The following LEPROTL1 variants were observed in gnomAD, a reference collection of about 807,000 sequenced individuals.
The protein encoded by LEPROTL1 is leptin receptor overlapping transcript-like 1.
Under a neutral mutation model 15.4 loss-of-function variants are expected in LEPROTL1, and 6 were observed. That is an observed-to-expected ratio of 0.39 (90% CI 0.21 to 0.77). LEPROTL1 has a LOEUF of 0.77. Ranked by LOEUF, LEPROTL1 falls within the 30% of genes least tolerant of loss-of-function variation. The probability of loss-of-function intolerance (pLI) is 0.41; values close to 1 mark genes in which losing one functional copy is unlikely to be tolerated. For synonymous variants in LEPROTL1, 56 were observed against 52.6 expected (o/e 1.06, Z -0.28); for missense variants, 128 against 158.1 (o/e 0.81, Z 1.02).
chr8:30,132,139 G>C (rs1227390834), intron 3 of LEPROTL1: 2 of 1,551,636 alleles, frequency 1.3e-6, no homozygotes, highest in African/African-American at 2.7e-5. Context: ...CATCGGCCAG[G>C]ATCTGATAAA....
intron 3 of LEPROTL1, among the ~76,000 whole-genome samples, chr8:30,114,702 C>T (rs1034307786): frequency 3.3e-5 from 5 of 152,168 alleles, no homozygotes; most frequent in Non-Finnish European, 5.9e-5. Flanking sequence ...GCTTCAGCAG[C>T]GAACGACTCC....
chr8:30,129,534 G>A (rs1025717832), intron 3 of LEPROTL1, among the ~76,000 whole-genome samples: 3 of 151,952 alleles, frequency 2.0e-5, no homozygotes, highest in East Asian at 1.9e-4. Flanking sequence ...GTGAAACCCC[G>A]TCTCTGCTAA....
chr8:30,112,892 CTT>C (rs1802676005), downstream of LEPROTL1, among the ~76,000 whole-genome samples: 2 of 151,976 alleles, frequency 1.3e-5, no homozygotes, highest in Admixed American at 1.3e-4. Context: ...AGAGGGCAAA[CTT>C]TTTAAAAACA....
downstream of LEPROTL1, among the ~76,000 whole-genome samples, chr8:30,109,348 G>A (rs1444836471): frequency 6.6e-6 from 1 of 152,112 alleles, no homozygotes; most frequent in Non-Finnish European, 1.5e-5. Context: ...TTACAGGTCT[G>A]TTCATTTTAT....
Position 30,107,025 on chromosome 8 carries a change from T to C in LEPROTL1, c.*1163T>C. ...ACAGATAATTCATGCATTAACAGTT[T>C]AAGATTTAGACCATGGTAATAGTAG... On this transcript the variant is annotated 3_prime_UTR_variant, in exon 4 of 4. Transcript: ENST00000321250. 1.0e-6 allele frequency: 1 copy of C among 980,098 alleles called. No individual in the cohort carries two copies. The allele number at this position is 980,098 out of a possible 1,614,324, so 60.7% of individuals were successfully genotyped here. A position where few individuals can be genotyped will look rare whatever the true frequency, so the allele number is the denominator to read the frequency against.
intron 2 of LEPROTL1, among the ~76,000 whole-genome samples, chr8:30,102,218 C>G (rs1455316863): frequency 6.6e-6 from 1 of 152,060 alleles, no homozygotes; most frequent in Non-Finnish European, 1.5e-5. Context: ...GGCAAGATAG[C>G]TACACAGTAC....
intron 4 of LEPROTL1, chr8:30,132,702 G>A (rs1301676460): frequency 6.4e-7 from 1 of 1,551,628 alleles, no homozygotes; most frequent in Non-Finnish European, 8.7e-7. Context: ...GAAATCGCTG[G>A]AAGGAGCACA....
chr8:30,132,732 A>G, intron 4 of LEPROTL1: 1 of 1,551,708 alleles, frequency 6.4e-7, no homozygotes, highest in Non-Finnish European at 8.7e-7. Flanking sequence ...CCAGGAGAGC[A>G]GGGAAAAAGA....
At chr8:30,130,697 G>A (rs1373030582) in intron 3 of LEPROTL1, among the ~76,000 whole-genome samples, 2 of 151,546 alleles carry the variant, frequency 1.3e-5, no homozygotes, top group Non-Finnish European at 2.9e-5. Flanking sequence ...TTATCATGTG[G>A]GTTTTTACTT....
intron 4 of LEPROTL1, chr8:30,132,531 G>A: frequency 6.4e-7 from 1 of 1,551,726 alleles, no homozygotes; most frequent in Non-Finnish European, 8.7e-7. Context: ...CGACATAGAT[G>A]CACTCGAATT....
Position 30,107,511 on chromosome 8 carries a change from G to T in LEPROTL1, c.*1649G>T. The stretch of plus-strand genomic sequence containing the variant: ...TGGGAATAAATTTGGGATTTGTTCA[G>T]CTTTTTTACTAAAGATGCCTAAAGC... On this transcript the variant is annotated 3_prime_UTR_variant, in exon 4 of 4. Transcript: ENST00000321250. The T allele has an allele frequency of 1.0e-5, 10 of 985,798 alleles. No homozygotes were observed. The highest frequency in any genetic ancestry group is 1.2e-5 in the Non-Finnish European group (10 of 829,896). 61.1% of individuals were successfully genotyped at this position (985,798 alleles called of 1,614,324 possible).
chr8:30,096,023 T>G (rs1802358499), intron 1 of LEPROTL1: 2 of 601,922 alleles, frequency 3.3e-6, no homozygotes, highest in Non-Finnish European at 6.0e-6. Context: ...CGACCCCACG[T>G]CCACCCCGGC....
chr8:30,097,319 A>G (rs1032299324), intron 1 of LEPROTL1, among the ~76,000 whole-genome samples: 4 of 94,368 alleles, frequency 4.2e-5, no homozygotes, highest in African/African-American at 1.2e-4. Context: ...TGGCTACCTT[A>G]TTCGGTATGA....
intron 3 of LEPROTL1, among the ~76,000 whole-genome samples, chr8:30,120,067 AAAT>A (rs1802805790): frequency 4.7e-5 from 1 of 21,240 alleles, no homozygotes; most frequent in Non-Finnish European, 2.1e-4. Context: ...CTCCATCAAT[AAAT>A]AAATAAATAA....
At chr8:30,112,401 ATTTTTTTTTTTTTTTTTTTT>A (rs10684450), downstream of LEPROTL1, among the ~76,000 whole-genome samples, 1 of 27,864 alleles carries the variant, frequency 3.6e-5, no homozygotes, top group African/African-American at 1.1e-4. Context: ...TGCCCAGCTA[ATTTTTTTTTTTTTTTTTTTT>A]TTTTTTTTTT....
At chr8:30,131,753 C>T in intron 3 of LEPROTL1, 1 of 599,124 alleles carries the variant, frequency 1.7e-6, no homozygotes, top group Non-Finnish European at 2.8e-6. Context: ...CTTTTTGTAT[C>T]CTCAGTACCA....
At position 30,106,407 on chromosome 8, in the gene LEPROTL1, G is replaced by T. The variant is rs1181502067; in HGVS notation, c.*545G>T. Reference sequence around the variant, plus strand: ...CTGTATACTCAGTGCAAATATAGCTGCATTTATACCTCAGAGGGGCCAAGT... The same window carrying T: ...CTGTATACTCAGTGCAAATATAGCTTCATTTATACCTCAGAGGGGCCAAGT... On this transcript the variant is annotated 3_prime_UTR_variant, in exon 4 of 4. Coordinates refer to ENST00000321250, the MANE Select transcript of LEPROTL1 (RefSeq NM_015344.3). 7 of 985,688 alleles carry T rather than the reference G, an allele frequency of 7.1e-6. No homozygotes were observed. The highest frequency in any genetic ancestry group is 3.5e-5 in the African/African-American group (2 of 57,212). 61.1% of individuals were successfully genotyped at this position (985,688 alleles called of 1,614,324 possible).
At chr8:30,110,060 T>G (rs545402009), downstream of LEPROTL1, among the ~76,000 whole-genome samples, 1 of 152,276 alleles carries the variant, frequency 6.6e-6, no homozygotes, top group East Asian at 1.9e-4. Flanking sequence ...CACTTCACCC[T>G]TTGTGTTTAG....
chr8:30,105,781 A>G lies in LEPROTL1; in HGVS notation c.315A>G (p.Gly105=). The stretch of plus-strand genomic sequence containing the variant: ...GAGCTTGTGCACTTGTTCTCACAGG[A>G]AACACAGTCATCTTTGCAACTATAC... ...EWGACALVLT[G]NTVIFATILG... Residue 105 remains glycine, a synonymous_variant, in exon 4 of 4, where the codon GGA becomes GGG. Transcript: ENST00000321250. The G allele has an allele frequency of 1.3e-6, 2 of 1,590,064 alleles. No individual in the cohort carries two copies. Among genetic ancestry groups the G allele is most frequent in the Non-Finnish European group, 8.6e-7 (1 of 1,167,090 alleles).
Sources: allele counts gnomAD v4.1 joint callset (sites outside exome capture counted in the v4.1 genomes callset), GRCh38; gene constraint gnomAD v4.1.1; transcripts MANE v1.5; gene names NCBI Gene and HGNC (gene_info 2026-07-23, HGNC 2026-07-21).